SIPA1L3: variants seen among roughly 807,000 people sequenced by gnomAD.
The protein encoded by SIPA1L3 is signal induced proliferation associated 1 like 3.
A neutral mutation model predicts 150.1 loss-of-function variants in SIPA1L3; 59 were observed. The ratio of observed to expected loss-of-function variants is 0.39; its 90% CI spans 0.32 to 0.49. The LOEUF is 0.49. Among genes scored for constraint, SIPA1L3 ranks in the 20% least tolerant of loss-of-function variants. The pLI is 0.86. For synonymous variants in SIPA1L3, 1,070 were observed against 1,077.6 expected (o/e 0.99, Z 0.14); for missense variants, 2,211 against 2,489.5 (o/e 0.89, Z 2.38).
Position 38,046,821 on chromosome 19 carries a change from C to G in SIPA1L3, c.-311+17665C>G, listed in dbSNP as rs1347364921. On this transcript the variant is annotated intron_variant, in intron 2 of 21. Coordinates refer to ENST00000222345, the MANE Select transcript of SIPA1L3 (RefSeq NM_015073.3). The surrounding 1 kb of genome is among the most constrained non-coding windows in gnomAD (Gnocchi z 5.6). The stretch of plus-strand genomic sequence containing the variant: ...CCCTTCTGCTGTACCCACAGCTGCC[C>G]GCTCAGAGCAAGGTGGCTCTGATCC... 1.3e-5 allele frequency among the ~76,000 whole-genome samples: 2 copies of G among 152,160 alleles called. No individual in the cohort carries two copies. The highest frequency in any genetic ancestry group is 4.8e-5 in the African/African-American group (2 of 41,444).
intron 1 of SIPA1L3, among the ~76,000 whole-genome samples, chr19:37,945,084 C>G (rs2046698082): frequency 6.6e-6 from 1 of 152,168 alleles, no homozygotes; most frequent in Non-Finnish European, 1.5e-5. Context: ...TAACATAAAG[C>G]CTATTTTATA....
chr19:37,997,224 A>T (rs1171184212), intron 1 of SIPA1L3, among the ~76,000 whole-genome samples: 1 of 152,076 alleles, frequency 6.6e-6, no homozygotes, highest in Non-Finnish European at 1.5e-5. Context: ...TGCCTCATAC[A>T]TAGGGTTTGG....
At chr19:37,918,408 C>A (rs113044044) in intron 1 of SIPA1L3, among the ~76,000 whole-genome samples, 2 of 151,708 alleles carry the variant, frequency 1.3e-5, no homozygotes, top group South Asian at 2.1e-4. Flanking sequence ...TACAGGTGCG[C>A]GCCACCACAC....
intron 2 of SIPA1L3, among the ~76,000 whole-genome samples, chr19:38,053,210 G>A (rs553473177): frequency 6.6e-6 from 1 of 152,360 alleles, no homozygotes; most frequent in East Asian, 1.9e-4. Flanking sequence ...CAATGTGAGA[G>A]TTTAAAGGAG....
intron 1 of SIPA1L3, among the ~76,000 whole-genome samples, chr19:37,948,720 G>A (rs1412640928): frequency 6.6e-6 from 1 of 152,120 alleles, no homozygotes; most frequent in Non-Finnish European, 1.5e-5. Context: ...GAAGGCAGGT[G>A]GATCCTAGAT....
At chr19:38,098,991 C>G (rs1186686203) in intron 4 of SIPA1L3, among the ~76,000 whole-genome samples, 1 of 152,086 alleles carries the variant, frequency 6.6e-6, no homozygotes, top group African/African-American at 2.4e-5. Context: ...CTCTTCTCTT[C>G]TCTCTTTCCT....
intron 1 of SIPA1L3, among the ~76,000 whole-genome samples, chr19:37,931,178 T>G (rs536092164): frequency 1.3e-5 from 2 of 152,210 alleles, no homozygotes; most frequent in Non-Finnish European, 2.9e-5. Context: ...CAGCTGATTG[T>G]TGAGCATTTT....
Position 38,049,389 on chromosome 19 carries a change from T to C in SIPA1L3, c.-311+20233T>C, listed in dbSNP as rs188772859. On this transcript the variant is annotated intron_variant, in intron 2 of 21. Transcript: ENST00000222345. ...TTCTTCTGGTTTTCACCAAATAGCA[T>C]GTGTTCGCCATCTAGCCACGTTGCT... is the stretch of plus-strand genomic sequence containing the variant. 2.1e-4 allele frequency among the ~76,000 whole-genome samples: 32 copies of C among 152,312 alleles called. No individual in the cohort carries two copies. The East Asian group carries it at 5.6e-3, about 27-fold the overall frequency.
intron 1 of SIPA1L3, among the ~76,000 whole-genome samples, chr19:38,011,875 T>G (rs1361442904): frequency 6.6e-6 from 1 of 151,956 alleles, no homozygotes. Context: ...TGGCTTGGCC[T>G]GGGAGGGAGA....
chr19:38,054,564 A>G (rs1296080149), intron 2 of SIPA1L3, among the ~76,000 whole-genome samples: 1 of 152,116 alleles, frequency 6.6e-6, no homozygotes, highest in African/African-American at 2.4e-5. Context: ...GCGCCACCGC[A>G]CTCCAGCATG....
intron 1 of SIPA1L3, among the ~76,000 whole-genome samples, chr19:38,022,393 A>T (rs1806542399): frequency 6.6e-6 from 1 of 151,998 alleles, no homozygotes; most frequent in African/African-American, 2.4e-5. Context: ...GTGCCACTGC[A>T]CTCCAGCCTG....
rs1335792450 is a variant in SIPA1L3 at position 37,922,497 on chromosome 19, G to A, written c.-379+15139G>A. On this transcript the variant is annotated intron_variant, in intron 1 of 21. Transcript: ENST00000222345. Reference sequence around the variant, plus strand: ...CAATCTCCATCTCCCGGGTTCCAGCGATTCTCCTGCCTCAGCCTCCCGAGT... The same window carrying A: ...CAATCTCCATCTCCCGGGTTCCAGCAATTCTCCTGCCTCAGCCTCCCGAGT... Among the ~76,000 whole-genome samples, 5 of 150,362 alleles carry A rather than the reference G, an allele frequency of 3.3e-5. No homozygotes were observed. In the South Asian group the frequency reaches 6.4e-4, roughly 19 times the overall value.
intron 4 of SIPA1L3, among the ~76,000 whole-genome samples, chr19:38,099,472 G>T (rs180881243): frequency 6.6e-6 from 1 of 152,050 alleles, no homozygotes; most frequent in South Asian, 2.1e-4. Flanking sequence ...CAGTGTTACT[G>T]TAATAATGAC....
chr19:38,130,355 G>A lies in SIPA1L3; in HGVS notation c.2869-143G>A, dbSNP rs565023042. 213 of 809,834 alleles carry A rather than the reference G, an allele frequency of 2.6e-4. No individual in the cohort carries two copies. The African/African-American group carries it at 3.0e-3, about 12-fold the overall frequency. 50.2% of individuals were successfully genotyped at this position (809,834 alleles called of 1,614,324 possible). A position where few individuals can be genotyped will look rare whatever the true frequency, so the allele number is the denominator to read the frequency against. On this transcript the variant is annotated intron_variant, in intron 9 of 21. Coordinates refer to ENST00000222345, the MANE Select transcript of SIPA1L3 (RefSeq NM_015073.3). Reference sequence around the variant, plus strand: ...GGGACCGGGTGCGTGTTCCCCCTGCGGGTCCCCTGCCATCACCCGGGAAGG... The same window carrying A: ...GGGACCGGGTGCGTGTTCCCCCTGCAGGTCCCCTGCCATCACCCGGGAAGG...
intron 1 of SIPA1L3, among the ~76,000 whole-genome samples, chr19:37,939,169 A>G (rs2046629048): frequency 6.6e-6 from 1 of 152,114 alleles, no homozygotes; most frequent in Admixed American, 6.6e-5. Flanking sequence ...GTTAGTACAG[A>G]TGTATGACTG....
chr19:38,024,077 G>A (rs729083), intron 1 of SIPA1L3, among the ~76,000 whole-genome samples: 45,654 of 151,830 alleles, frequency 0.3, 7,551 homozygotes, highest in African/African-American at 0.44. Context: ...TCCTTTCCAT[G>A]TGAATTGAGG....
In SIPA1L3 at chr19:38,187,208, T is replaced by C. The variant is rs141778134; in HGVS notation, c.4430+4468T>C. Among the ~76,000 whole-genome samples the C allele has an allele frequency of 8.6e-4, 131 of 151,706 alleles. 1 individual carries two copies. Among genetic ancestry groups the C allele is most frequent in the Admixed American group, 8.6e-3 (131 of 15,226 alleles). On this transcript the variant is annotated intron_variant, in intron 16 of 21. Transcript: ENST00000222345. ...AGCTCACGCCTATAATCCCAGCACT[T>C]TGGGAGTCCAGGATGGGTGGATCAC... is the stretch of plus-strand genomic sequence containing the variant.
At chr19:38,066,368 C>T (rs908091887) in intron 2 of SIPA1L3, among the ~76,000 whole-genome samples, 4 of 152,048 alleles carry the variant, frequency 2.6e-5, no homozygotes, top group African/African-American at 7.2e-5. Flanking sequence ...TAGAGGCACC[C>T]GGATTCACTT....
At chr19:38,193,301 A>T (rs1972843738) in intron 17 of SIPA1L3, among the ~76,000 whole-genome samples, 2 of 148,270 alleles carry the variant, frequency 1.3e-5, no homozygotes, top group South Asian at 4.3e-4. Flanking sequence ...GTAAGCTGAG[A>T]TCGCCCCATT....
Sources: allele counts gnomAD v4.1 joint callset (sites outside exome capture counted in the v4.1 genomes callset), GRCh38; gene constraint gnomAD v4.1.1; non-coding constraint Gnocchi (gnomAD v3.1); transcripts MANE v1.5; gene names NCBI Gene and HGNC (gene_info 2026-07-23, HGNC 2026-07-21).